The following RASGRF1 variants were observed in gnomAD, a reference collection of about 807,000 sequenced individuals.
RASGRF1 encodes the protein Ras protein specific guanine nucleotide releasing factor 1.
A neutral mutation model predicts 138.7 loss-of-function variants in RASGRF1; 40 were observed. That is an observed-to-expected ratio of 0.29 (90% confidence interval 0.22 to 0.38). The LOEUF (loss-of-function observed/expected upper bound fraction) is 0.38. Ranked by LOEUF, RASGRF1 falls within the 10% of genes least tolerant of loss-of-function variation. RASGRF1 has a pLI of 1.00. For missense variants in RASGRF1, 1,108 were observed against 1,650.4 expected (o/e 0.67, Z 5.69); for synonymous variants, 614 against 663.2 (o/e 0.93, Z 1.14).
At position 78,985,215 on chromosome 15, in the gene RASGRF1, A is replaced by G; in HGVS notation, c.3217-11T>C. On this transcript the variant is annotated splice_polypyrimidine_tract_variant and intron_variant, in intron 22 of 26. Coordinates refer to ENST00000558480, the MANE Select transcript of RASGRF1 (RefSeq NM_001145648.3). ...AATCAAGTTACTGATCTTTAAGCCG[A>G]TGCAATAAGACAGGGAAAAAGAGGA... The G allele has an allele frequency of 6.3e-7, 1 of 1,576,178 alleles. No individual in the cohort carries two copies. The highest frequency in any genetic ancestry group is 1.7e-5 in the Admixed American group (1 of 59,796).
At chr15:78,982,527 G>T (rs1015888546) in intron 23 of RASGRF1, among the ~76,000 whole-genome samples, 1 of 152,116 alleles carries the variant, frequency 6.6e-6, no homozygotes, top group Non-Finnish European at 1.5e-5. Context: ...TGCTCCATGG[G>T]ATACCAAGCC....
chr15:79,003,853 C>T lies in RASGRF1; in HGVS notation c.2398G>A (p.Gly800Ser), dbSNP rs750968678. Residue 800 changes from glycine to serine, a missense_variant, in exon 15 of 27, where the codon GGC becomes AGC. This residue lies in a region of RASGRF1 where 686 missense variants were observed against 976.7 expected (regional missense o/e 0.70). Transcript: ENST00000558480. ...SSFTNKIPDE[G>S]DTTPEKPEDP... is the part of the protein sequence containing the mutation. ...TCGGGCTTCTCAGGGGTCGTATCGC[C>T]CTCATCTGGAATCTTGTTGGTGAAG... The T allele has an allele frequency of 1.9e-5, 31 of 1,613,526 alleles. No homozygotes were observed. The highest frequency in any genetic ancestry group is 2.5e-5 in the Non-Finnish European group (30 of 1,179,886).
chr15:78,989,858 G>A (rs903899175), intron 22 of RASGRF1, among the ~76,000 whole-genome samples: 2 of 152,104 alleles, frequency 1.3e-5, no homozygotes, highest in African/African-American at 2.4e-5. Context: ...CACAGACTCC[G>A]CAAAAACCCT....
intron 1 of RASGRF1, among the ~76,000 whole-genome samples, chr15:79,068,471 C>CTATATA (rs55712182): frequency 5.6e-5 from 7 of 124,962 alleles, no homozygotes; most frequent in Middle Eastern, 3.9e-3. Flanking sequence ...CTTTTTGAGC[C>CTATATA]TATATATATA....
At chr15:79,001,542 T>G in intron 16 of RASGRF1, 120 bp downstream of exon 16, 1 of 1,236,288 alleles carries the variant, frequency 8.1e-7, no homozygotes, top group East Asian at 2.7e-5. Flanking sequence ...GAAAAGTTAC[T>G]GCTCTTAGGA....
chr15:79,038,741 A>G (rs1002674258), intron 5 of RASGRF1, among the ~76,000 whole-genome samples: 4 of 151,872 alleles, frequency 2.6e-5, no homozygotes, highest in Non-Finnish European at 4.4e-5. Context: ...AAGTTTTTCC[A>G]TTTTTCCTTG....
chr15:79,052,727 GA>G (rs2057449498), intron 3 of RASGRF1, among the ~76,000 whole-genome samples: 1 of 152,218 alleles, frequency 6.6e-6, no homozygotes, highest in Admixed American at 6.5e-5. Context: ...ATATGTGGGG[GA>G]AGGAATTCAA....
At chr15:79,082,833 T>C (rs527915978) in intron 1 of RASGRF1, among the ~76,000 whole-genome samples, 61 of 152,262 alleles carry the variant, frequency 4.0e-4, no homozygotes, top group Non-Finnish European at 6.3e-4. Context: ...CCTATTTTCA[T>C]ATGCAGGGTC....
In RASGRF1 at chr15:78,984,115, T is replaced by G. The variant is rs1252520593; in HGVS notation, c.3414+892A>C. ...GAGGAGCAGGTGATAAAGAGAACAA[T>G]GAGGGGGACACAGTATGCAAGTCCA... On this transcript the variant is annotated intron_variant, in intron 23 of 26. Transcript: ENST00000558480. 2.6e-5 allele frequency among the ~76,000 whole-genome samples: 4 copies of G among 151,986 alleles called. No homozygotes were observed. In the East Asian group the frequency reaches 5.8e-4, roughly 22 times the overall value.
In RASGRF1 at chr15:79,090,398, G is replaced by C. The variant is rs1566977086; in HGVS notation, c.101C>G (p.Ser34Trp). The C allele has an allele frequency of 2.5e-6, 4 of 1,613,520 alleles. No homozygotes were observed. Among genetic ancestry groups the C allele is most frequent in the Non-Finnish European group, 8.5e-7 (1 of 1,179,982 alleles). Reference protein sequence around the residue: ...TRKGYLSKRSSDNTKWQTKWF... With the variant: ...TRKGYLSKRSWDNTKWQTKWF... ...CTTGGTTTGCCATTTTGTGTTGTCC[G>C]AACTCCGCTTGCTCAGGTAGCCTTT... The change falls in exon 1 of 27, where the codon TCG becomes TGG. Residue 34 changes from serine (S) to tryptophan (W), a missense_variant. By Grantham distance (177) the Ser-to-Trp change is radical. Around this residue, in one of 3 missense-constraint regions of RASGRF1, gnomAD observed 253 missense variants for 329.5 expected, o/e 0.77. Coordinates refer to ENST00000558480, the MANE Select transcript of RASGRF1 (RefSeq NM_001145648.3).
intron 2 of RASGRF1, among the ~76,000 whole-genome samples, chr15:79,060,349 C>T (rs1455645240): frequency 5.9e-5 from 9 of 152,342 alleles, no homozygotes; most frequent in South Asian, 4.1e-4. Context: ...CATGTCCCAT[C>T]ATTCCACCAT....
chr15:79,049,132 G>A (rs1393926804), intron 4 of RASGRF1, among the ~76,000 whole-genome samples: 2 of 152,144 alleles, frequency 1.3e-5, no homozygotes, highest in African/African-American at 2.4e-5. Context: ...GCCAGGGAGT[G>A]GCAGTGGAGA....
At chr15:79,043,506 C>G (rs1166050091) in intron 5 of RASGRF1, among the ~76,000 whole-genome samples, 5 of 152,180 alleles carry the variant, frequency 3.3e-5, no homozygotes, top group Admixed American at 3.3e-4. Context: ...GAGGCAGGTA[C>G]CATTCCTGGG....
In RASGRF1 at chr15:79,017,977, G is replaced by C. The variant is rs1222953437; in HGVS notation, c.1607-71C>G. 5 of 1,582,908 alleles carry C rather than the reference G, an allele frequency of 3.2e-6. No individual in the cohort carries two copies. The African/African-American group carries it at 4.1e-5, about 13-fold the overall frequency. On this transcript the variant is annotated intron_variant, in intron 11 of 26. Transcript: ENST00000558480. ...TTTTCAGGTGGAAAATGTTTTAGTG[G>C]TCCCTGTCGTACGTACCAGTGGAGG...
chr15:78,976,714 G>A (rs76741453), intron 24 of RASGRF1, among the ~76,000 whole-genome samples: 1,696 of 152,344 alleles, frequency 0.011, 39 homozygotes, highest in African/African-American at 0.039. Flanking sequence ...AATGAAAAGG[G>A]AAGCATGTTG....
At chr15:78,988,601 T>A (rs1361500445) in intron 22 of RASGRF1, among the ~76,000 whole-genome samples, 1 of 152,184 alleles carries the variant, frequency 6.6e-6, no homozygotes, top group African/African-American at 2.4e-5. Flanking sequence ...CAGGATATGG[T>A]GTGCTGGCGG....
Position 78,977,544 on chromosome 15 carries a change from AC to A in RASGRF1, c.3494+3075del, listed in dbSNP as rs756809460. ...GAGATAGATACTTGGCTTTGCTGGA[AC>A]CCCTGAGACTCTAGAGCTCAGCCTT... is the stretch of plus-strand genomic sequence containing the variant. On this transcript the variant is annotated intron_variant, in intron 24 of 26. Coordinates refer to ENST00000558480, the MANE Select transcript of RASGRF1 (RefSeq NM_001145648.3). Among the ~76,000 whole-genome samples, 13 of 151,902 alleles carry A rather than the reference AC, an allele frequency of 8.6e-5. No homozygotes were observed. The East Asian group carries it at 2.3e-3, about 27-fold the overall frequency.
intron 11 of RASGRF1, among the ~76,000 whole-genome samples, chr15:79,018,908 C>G (rs1361856669): frequency 6.6e-6 from 1 of 152,116 alleles, no homozygotes; most frequent in Admixed American, 6.5e-5. Flanking sequence ...CCTGCTGTGG[C>G]CAAGATGAAA....
intron 1 of RASGRF1, among the ~76,000 whole-genome samples, chr15:79,087,074 C>T (rs928517315): frequency 6.6e-6 from 1 of 152,356 alleles, no homozygotes; most frequent in South Asian, 2.1e-4. Flanking sequence ...TCCCTGGACA[C>T]TGAGGCTGCA....
Sources: gnomAD v4.1 joint callset for allele counts (sites outside exome capture counted in the v4.1 genomes callset) on GRCh38, gnomAD v4.1.1 for gene constraint, gnomAD v4.1.1 regional missense constraint, MANE v1.5 for transcripts, NCBI Gene and HGNC (gene_info 2026-07-23, HGNC 2026-07-21) for gene names.